The following POM121C variants were observed in gnomAD, a reference collection of about 807,000 sequenced individuals.
POM121C encodes the protein POM121 transmembrane nucleoporin C, also known as nuclear envelope pore membrane protein POM 121C.
Under a neutral mutation model 66.4 loss-of-function variants are expected in POM121C, and 20 were observed. The observed-to-expected ratio is 0.30, with a 90% CI of 0.21 to 0.44. The LOEUF is 0.44. POM121C is among the 20% of genes least tolerant of loss of function. The probability of loss-of-function intolerance (pLI) is 1.00; values close to 1 mark genes in which losing one functional copy is unlikely to be tolerated. For missense variants in POM121C, 580 were observed against 1,225.7 expected, an observed-to-expected ratio of 0.47 and a Z score of 7.87; for synonymous variants, 286 against 528.0, an observed-to-expected ratio of 0.54 and a Z score of 6.28.
chr7:75,486,101 G>A lies in POM121C; in HGVS notation c.-695C>T, dbSNP rs1351988797. 2.8e-6 allele frequency: 1 copy of A among 363,094 alleles called. No homozygotes were observed. The highest frequency in any genetic ancestry group is 5.3e-6 in the Non-Finnish European group (1 of 189,584). 22.5% of individuals were successfully genotyped at this position (363,094 alleles called of 1,614,324 possible). A position where few individuals can be genotyped will look rare whatever the true frequency, so the allele number is the denominator to read the frequency against. ...CTGGCCCCAGCGCCGCCGGCTCCGG[G>A]GTTCACGCTCGGGGGTCCCAGCTCG... On this transcript the variant is annotated 5_prime_UTR_variant, in exon 1 of 15. Coordinates refer to ENST00000615331, the MANE Select transcript of POM121C (RefSeq NM_001099415.3).
chr7:75,438,398 C>T (rs781872495), intron 6 of POM121C, among the ~76,000 whole-genome samples: 23 of 152,224 alleles, frequency 1.5e-4, no homozygotes, highest in Admixed American at 7.2e-4. Flanking sequence ...GACCATTGTC[C>T]TTCCCTCACT....
intron 5 of POM121C, among the ~76,000 whole-genome samples, chr7:75,440,436 C>T (rs587640292): frequency 5.3e-5 from 8 of 151,594 alleles, no homozygotes; most frequent in Non-Finnish European, 1.0e-4. Flanking sequence ...GGCATGGTGG[C>T]GGGCGCCTGT....
At chr7:75,485,629 G>C (rs1212411388) in intron 1 of POM121C, among the ~76,000 whole-genome samples, 3 of 152,136 alleles carry the variant, frequency 2.0e-5, no homozygotes, top group African/African-American at 7.2e-5. Flanking sequence ...GCGGGGAGTG[G>C]AGACGACGTC....
intron 3 of POM121C, chr7:75,442,620 C>T: frequency 1.3e-6 from 2 of 1,491,432 alleles, no homozygotes; most frequent in East Asian, 2.8e-5. Context: ...AGAAGCGCCG[C>T]CCCGGCCGGC....
intron 3 of POM121C, among the ~76,000 whole-genome samples, chr7:75,466,763 CAA>C (rs1791666869): frequency 6.7e-6 from 1 of 148,614 alleles, no homozygotes; most frequent in Admixed American, 6.7e-5. Flanking sequence ...AAAAAAAAAG[CAA>C]AGAGAGAGGA....
chr7:75,465,265 G>A (rs1365081640), intron 3 of POM121C, among the ~76,000 whole-genome samples: 3 of 151,878 alleles, frequency 2.0e-5, no homozygotes, highest in Non-Finnish European at 4.4e-5. Context: ...AAAGTGCTGG[G>A]ATTATAAGCG....
chr7:75,431,256 G>T (rs1395833388), intron 7 of POM121C, among the ~76,000 whole-genome samples: 1 of 152,142 alleles, frequency 6.6e-6, no homozygotes, highest in Non-Finnish European at 1.5e-5. Flanking sequence ...GCAATACCAA[G>T]TGTTGGTGAG....
intron 3 of POM121C, among the ~76,000 whole-genome samples, chr7:75,456,347 C>G (rs1554476292): frequency 6.6e-6 from 1 of 152,280 alleles, no homozygotes; most frequent in East Asian, 1.9e-4. Context: ...TATGTCAAAA[C>G]TAGGGATATA....
In POM121C at chr7:75,416,811, T is replaced by C. The variant is rs1789481734; in HGVS notation, c.*1985A>G. On this transcript the variant is annotated 3_prime_UTR_variant, in exon 15 of 15. Coordinates refer to ENST00000615331, the MANE Select transcript of POM121C (RefSeq NM_001099415.3). ...TACGATAGATCACAGTTTTTTATTC[T>C]TAATGTCACAAGCAGGAGAAAAATC... 1 of 1,489,888 alleles carries C rather than the reference T, an allele frequency of 6.7e-7. No homozygotes were observed. Among genetic ancestry groups the C allele is most frequent in the African/African-American group, 1.4e-5 (1 of 71,002 alleles). The allele number at this position is 1,489,888 out of a possible 1,614,324, so 92.3% of individuals were successfully genotyped here.
intron 3 of POM121C, among the ~76,000 whole-genome samples, chr7:75,467,531 C>CTAAA (rs1791700595): frequency 1.5e-5 from 1 of 65,386 alleles, no homozygotes; most frequent in Non-Finnish European, 2.7e-5. Flanking sequence ...GATTCTGTCT[C>CTAAA]AAAAAAAAAA....
Position 75,486,214 on chromosome 7 carries a change from G to C in POM121C, c.-808C>G. On this transcript the variant is annotated 5_prime_UTR_variant, in exon 1 of 15. Coordinates refer to ENST00000615331, the MANE Select transcript of POM121C (RefSeq NM_001099415.3). ...CGGGCGGTCAGCATCCAGCCCCGCA[G>C]ACTCGGTGATTCTCGTCCACTAGAA... The C allele has an allele frequency of 3.4e-6, 1 of 292,154 alleles. No homozygotes were observed. Among genetic ancestry groups the C allele is most frequent in the South Asian group, 2.6e-5 (1 of 37,888 alleles). The allele number at this position is 292,154 out of a possible 1,614,324, so 18.1% of individuals were successfully genotyped here. A position where few individuals can be genotyped will look rare whatever the true frequency, so the allele number is the denominator to read the frequency against.
intron 3 of POM121C, among the ~76,000 whole-genome samples, chr7:75,457,608 CT>C (rs1253175814): frequency 1.4e-5 from 2 of 148,090 alleles, no homozygotes; most frequent in East Asian, 2.0e-4. Context: ...CATCTCTCCC[CT>C]CTCCACCAAG....
At chr7:75,430,969 G>T (rs770501481) in intron 7 of POM121C, among the ~76,000 whole-genome samples, 5 of 150,984 alleles carry the variant, frequency 3.3e-5, no homozygotes, top group Admixed American at 1.3e-4. Flanking sequence ...CCAGCTACTC[G>T]GGAGGCTGAG....
rs1181936750 is a variant in POM121C, at chr7:75,441,642, C to T, written c.-146G>A. ...TACAAACCGATCTGGTAAAGTCCCACGATCCCTGCAGAGAATGCGAGACAA... is the reference window on the plus strand; with the variant it reads ...TACAAACCGATCTGGTAAAGTCCCATGATCCCTGCAGAGAATGCGAGACAA... On this transcript the variant is annotated 5_prime_UTR_variant, in exon 4 of 15. In the 5' UTR this introduces an upstream ATG that the reference lacks. Coordinates refer to ENST00000615331, the MANE Select transcript of POM121C (RefSeq NM_001099415.3). 13 of 1,552,440 alleles carry T rather than the reference C, an allele frequency of 8.4e-6. No homozygotes were observed. Among genetic ancestry groups the T allele is most frequent in the African/African-American group, 2.7e-5 (2 of 72,964 alleles).
intron 5 of POM121C, 99 bp from the exon 6 acceptor site, chr7:75,439,323 G>A: frequency 6.7e-7 from 1 of 1,498,604 alleles, no homozygotes; most frequent in South Asian, 1.1e-5. Flanking sequence ...TATCTCTATG[G>A]AGCACAGATT....
At chr7:75,423,919 G>A (rs1479502387) in intron 12 of POM121C, 130 bp downstream of exon 12, 40 of 1,499,838 alleles carry the variant, frequency 2.7e-5, no homozygotes, top group East Asian at 2.1e-4. Context: ...GGCCCGCTCC[G>A]GTGTGCTGAG....
Position 75,422,862 on chromosome 7 carries a change from T to C in POM121C, c.1390A>G (p.Lys464Glu). 6.4e-7 allele frequency: 1 copy of C among 1,558,848 alleles called. No homozygotes were observed. The highest frequency in any genetic ancestry group is 1.9e-5 in the Admixed American group (1 of 52,476). The change falls in exon 13 of 15, where the codon AAG (lysine) becomes GAG (glutamate). Residue 464 changes from lysine to glutamate, a missense_variant. Coordinates refer to ENST00000615331, the MANE Select transcript of POM121C (RefSeq NM_001099415.3). The stretch of plus-strand genomic sequence containing the variant: ...TTGGGTGGAGCCGTGAAAATGGGCT[T>C]GAACATGGGAGATGCTGAAGATGCA... Reference protein sequence around the residue: ...PAASSASPMFKPIFTAPPKSE... With the variant: ...PAASSASPMFEPIFTAPPKSE...
chr7:75,480,947 T>C (rs1448144206), intron 1 of POM121C, among the ~76,000 whole-genome samples: 1 of 151,264 alleles, frequency 6.6e-6, no homozygotes, highest in African/African-American at 2.4e-5. Flanking sequence ...TAATATAATA[T>C]TCTTGATTTT....
intron 3 of POM121C, among the ~76,000 whole-genome samples, chr7:75,466,422 A>G (rs1554477860): frequency 1.3e-5 from 2 of 151,876 alleles, no homozygotes; most frequent in African/African-American, 4.8e-5. Context: ...CCTGGCCAAC[A>G]TGGTAAACCT....
Sources: allele counts gnomAD v4.1 joint callset (sites outside exome capture counted in the v4.1 genomes callset), GRCh38; gene constraint gnomAD v4.1.1; transcripts MANE v1.5; gene names NCBI Gene and HGNC (gene_info 2026-07-23, HGNC 2026-07-21).